USP15: variants seen among roughly 807,000 people sequenced by gnomAD.
USP15 encodes ubiquitin carboxyl-terminal hydrolase 15.
In USP15, 18 loss-of-function variants were observed where a neutral mutation model predicts 127.1. That is an observed-to-expected ratio of 0.14 (90% confidence interval 0.10 to 0.21). USP15 has a LOEUF of 0.21. Ranked by LOEUF, USP15 falls within the 10% of genes least tolerant of loss-of-function variation. The pLI is 1.00. For missense variants in USP15, 805 were observed against 1,159.9 expected (o/e 0.69, Z 4.44); for synonymous variants, 364 against 393.7 (o/e 0.92, Z 0.89).
At chr12:62,387,292 A>G (rs1317758822) in intron 11 of USP15, among the ~76,000 whole-genome samples, 1 of 152,228 alleles carries the variant, frequency 6.6e-6, no homozygotes, top group Non-Finnish European at 1.5e-5. Flanking sequence ...CCCGTGATTT[A>G]TCATCTAAAC....
rs367677279 is a variant in USP15, at chr12:62,370,923, G to A, written c.916-10567G>A. Among the ~76,000 whole-genome samples, 7 of 152,148 alleles carry A rather than the reference G, an allele frequency of 4.6e-5. No homozygotes were observed. In the South Asian group the frequency reaches 8.3e-4, roughly 18 times the overall value. ...AACCCAGTAACCCAAGTCAAAAACCGAAGACTTATCCCAAGTCCTGTTCAT... is the reference window on the plus strand; with the variant it reads ...AACCCAGTAACCCAAGTCAAAAACCAAAGACTTATCCCAAGTCCTGTTCAT... On this transcript the variant is annotated intron_variant, in intron 8 of 21. Coordinates refer to ENST00000280377, the MANE Select transcript of USP15 (RefSeq NM_001252078.2).
chr12:62,336,142 T>C lies in USP15; in HGVS notation c.683+10209T>C, dbSNP rs996749317. The C allele has an allele frequency of 3.0e-6, 3 of 985,294 alleles. No individual in the cohort carries two copies. In the African/African-American group the frequency reaches 5.2e-5, roughly 17 times the overall value. 61.0% of individuals were successfully genotyped at this position (985,294 alleles called of 1,614,324 possible). A position where few individuals can be genotyped will look rare whatever the true frequency, so the allele number is the denominator to read the frequency against. Reference sequence around the variant, plus strand: ...CTAAATTTCTGTCAGAAGACCTCTTTTATCATACCATAGTAGGTGTTCAAA... The same window carrying C: ...CTAAATTTCTGTCAGAAGACCTCTTCTATCATACCATAGTAGGTGTTCAAA... On this transcript the variant is annotated intron_variant, in intron 6 of 21. Coordinates refer to ENST00000280377, the MANE Select transcript of USP15 (RefSeq NM_001252078.2).
rs543231696 is a variant in USP15, at chr12:62,320,585, T to G, written c.476-879T>G. On this transcript the variant is annotated intron_variant, in intron 4 of 21. Coordinates refer to ENST00000280377, the MANE Select transcript of USP15 (RefSeq NM_001252078.2). The stretch of plus-strand genomic sequence containing the variant: ...AAGTTTTGAGATAACGCTGTTGATA[T>G]TTTGAATTAGTGCCTTTTTTTCCTA... Among the ~76,000 whole-genome samples, 3 of 152,306 alleles carry G rather than the reference T, an allele frequency of 2.0e-5. No homozygotes were observed. The East Asian group carries it at 5.8e-4, about 29-fold the overall frequency.
At chr12:62,361,297 G>C (rs1412891652) in intron 8 of USP15, among the ~76,000 whole-genome samples, 2 of 152,004 alleles carry the variant, frequency 1.3e-5, no homozygotes, top group Non-Finnish European at 2.9e-5. Flanking sequence ...ATTTGTCGCT[G>C]TTCACATTCT....
At chr12:62,350,632 A>G (rs973468747) in intron 7 of USP15, among the ~76,000 whole-genome samples, 1 of 152,088 alleles carries the variant, frequency 6.6e-6, no homozygotes, top group African/African-American at 2.4e-5. Flanking sequence ...AATAAGGGAC[A>G]AACTTTTTTT....
Position 62,405,563 on chromosome 12 carries a change from G to A in USP15, c.*1188G>A, listed in dbSNP as rs886925519. On this transcript the variant is annotated 3_prime_UTR_variant, in exon 22 of 22. Coordinates refer to ENST00000280377, the MANE Select transcript of USP15 (RefSeq NM_001252078.2). Reference sequence around the variant, plus strand: ...GATCCAGGATGCCAAAAATATGTGTGAACATTTGAAACATTTTTATTTGCT... The same window carrying A: ...GATCCAGGATGCCAAAAATATGTGTAAACATTTGAAACATTTTTATTTGCT... 1 of 152,498 alleles carries A rather than the reference G, an allele frequency of 6.6e-6. No individual in the cohort carries two copies. Among genetic ancestry groups the A allele is most frequent in the African/African-American group, 2.4e-5 (1 of 41,406 alleles). The allele number at this position is 152,498 out of a possible 1,614,324, so 9.4% of individuals were successfully genotyped here.
chr12:62,400,567 C>A (rs1592740174), intron 20 of USP15, among the ~76,000 whole-genome samples: 1 of 145,502 alleles, frequency 6.9e-6, no homozygotes. Flanking sequence ...CATGTATGCA[C>A]AGGACCGACT....
intron 6 of USP15, among the ~76,000 whole-genome samples, chr12:62,347,691 A>G (rs933146626): frequency 6.6e-6 from 1 of 152,094 alleles, no homozygotes; most frequent in Non-Finnish European, 1.5e-5. Context: ...AGTGTGTTCT[A>G]TACATTGTTT....
At chr12:62,309,764 T>C (rs1247550628) in intron 3 of USP15, among the ~76,000 whole-genome samples, 1 of 151,908 alleles carries the variant, frequency 6.6e-6, no homozygotes, top group Non-Finnish European at 1.5e-5. Context: ...ATTCATAATT[T>C]TAGCAGACTA....
intron 6 of USP15, among the ~76,000 whole-genome samples, chr12:62,341,459 G>C (rs1013987057): frequency 6.6e-6 from 1 of 152,146 alleles, no homozygotes. Context: ...AGTTGATGCA[G>C]TTTCTTCATA....
intron 6 of USP15, among the ~76,000 whole-genome samples, chr12:62,332,373 TC>T (rs1226653473): frequency 1.3e-5 from 2 of 152,078 alleles, no homozygotes; most frequent in East Asian, 1.9e-4. Flanking sequence ...GAAAAAGTTT[TC>T]CCCCCTAGTT....
chr12:62,391,757 A>G (rs3213984), intron 16 of USP15, 59 bp from the exon 17 acceptor site: 283,767 of 1,378,760 alleles, frequency 0.21, 30,245 homozygotes, highest in African/African-American at 0.34. Flanking sequence ...TAACATTAAA[A>G]TATACTTTAA....
In USP15 at chr12:62,391,413, G is replaced by T. The variant is rs775823132; in HGVS notation, c.2217G>T (p.Arg739Ser). The change falls in exon 16 of 22, where the codon AGG (arginine) becomes AGT (serine). Residue 739 changes from arginine (R) to serine (S), a missense_variant. Arg to Ser is a moderately radical substitution (Grantham distance 110). Coordinates refer to ENST00000280377, the MANE Select transcript of USP15 (RefSeq NM_001252078.2). ...CCAGGCATATAAGATTTGATGATAG[G>T]CAGCTTAGGCTAGATGGTAAGTATT... is the stretch of plus-strand genomic sequence containing the variant. ...DDTRHIRFDDRQLRLDERSFL... is the reference protein window; with the variant it reads ...DDTRHIRFDDSQLRLDERSFL... 1 of 1,610,794 alleles carries T rather than the reference G, an allele frequency of 6.2e-7. No individual in the cohort carries two copies. The highest frequency in any genetic ancestry group is 1.7e-5 in the Admixed American group (1 of 59,270).
At position 62,411,231 on chromosome 12, in the gene USP15, C is replaced by T. The variant is rs752227148; in HGVS notation, c.*6856C>T. Reference sequence around the variant, plus strand: ...ATGTACACAAAGTCTGGAGACAACTCAGATAGTCACTACATCCTCTTGCTC... The same window carrying T: ...ATGTACACAAAGTCTGGAGACAACTTAGATAGTCACTACATCCTCTTGCTC... On this transcript the variant is annotated 3_prime_UTR_variant, in exon 22 of 22. Transcript: ENST00000280377. 6.6e-6 allele frequency: 1 copy of T among 152,216 alleles called. No individual in the cohort carries two copies. Among genetic ancestry groups the T allele is most frequent in the Non-Finnish European group, 1.5e-5 (1 of 68,056 alleles). 9.4% of individuals were successfully genotyped at this position (152,216 alleles called of 1,614,324 possible).
chr12:62,401,119 TAG>T, intron 20 of USP15, 66 bp from the exon 21 acceptor site: 12 of 1,003,568 alleles, frequency 1.2e-5, no homozygotes, highest in Non-Finnish European at 1.8e-5. Flanking sequence ...TAGATGATTA[TAG>T]AGTTTTGAGG....
In USP15 at chr12:62,272,599, A is replaced by T. The variant is rs568711691; in HGVS notation, c.89+12096A>T. Among the ~76,000 whole-genome samples the T allele has an allele frequency of 1.3e-5, 2 of 152,046 alleles. 1 individual carries two copies. Among genetic ancestry groups the T allele is most frequent in the South Asian group, 4.1e-4 (2 of 4,826 alleles). ...CCTTGTATATCTTTCTTAAATTTGC[A>T]TCTAGTGTAAAAGCACCAAACAACT... On this transcript the variant is annotated intron_variant, in intron 1 of 21. Transcript: ENST00000280377.
chr12:62,319,942 C>T (rs563043740), intron 4 of USP15, among the ~76,000 whole-genome samples: 2 of 152,088 alleles, frequency 1.3e-5, no homozygotes, highest in African/African-American at 4.8e-5. Flanking sequence ...TGGCTTCTTC[C>T]TTTATCCTCT....
intron 6 of USP15, among the ~76,000 whole-genome samples, chr12:62,339,695 T>G (rs2065588290): frequency 6.6e-6 from 1 of 152,204 alleles, no homozygotes; most frequent in Non-Finnish European, 1.5e-5. Flanking sequence ...TTTTATTGAT[T>G]TGCATATGTT....
intron 1 of USP15, among the ~76,000 whole-genome samples, chr12:62,273,633 A>G (rs1359801634): frequency 6.6e-6 from 1 of 152,142 alleles, no homozygotes; most frequent in African/African-American, 2.4e-5. Flanking sequence ...ATGAAAACAA[A>G]TTGAGATTGG....
Sources: allele counts gnomAD v4.1 joint callset (sites outside exome capture counted in the v4.1 genomes callset), GRCh38; gene constraint gnomAD v4.1.1; transcripts MANE v1.5; gene names NCBI Gene and HGNC (gene_info 2026-07-23, HGNC 2026-07-21).